The following ZCWPW2 variants were observed in gnomAD, a reference collection of about 807,000 sequenced individuals.
The protein encoded by ZCWPW2 is zinc finger CW-type PWWP domain protein 2.
In ZCWPW2, 45 loss-of-function variants were observed where a neutral mutation model predicts 46.6. That is an observed-to-expected ratio of 0.96 (90% confidence interval 0.76 to 1.24). ZCWPW2 has a LOEUF of 1.24. Among genes scored for constraint, ZCWPW2 ranks in the 50% most tolerant of loss-of-function variants. The probability of loss-of-function intolerance (pLI) is 0.00; values close to 1 mark genes in which losing one functional copy is unlikely to be tolerated. For missense variants in ZCWPW2, 429 were observed against 403.9 expected, an observed-to-expected ratio of 1.06 and a Z score of -0.53; for synonymous variants, 152 against 137.1, an observed-to-expected ratio of 1.11 and a Z score of -0.76.
intron 5 of ZCWPW2, 104 bp from the exon 6 acceptor site, chr3:28,492,023 C>A (rs1448478219): frequency 5.3e-6 from 6 of 1,140,064 alleles, no homozygotes; most frequent in African/African-American, 1.6e-5. Flanking sequence ...AATACTGTTA[C>A]AATAGTAATG....
chr3:28,405,788 A>G (rs1223004281), intron 2 of ZCWPW2, among the ~76,000 whole-genome samples: 2 of 152,136 alleles, frequency 1.3e-5, no homozygotes, highest in Admixed American at 6.6e-5. Flanking sequence ...GACTGTTAAG[A>G]ATGATTCTGG....
chr3:28,391,692 G>A (rs972622429), intron 2 of ZCWPW2, among the ~76,000 whole-genome samples: 22 of 152,086 alleles, frequency 1.4e-4, no homozygotes, highest in Admixed American at 1.3e-4. Context: ...GACCTCTAAT[G>A]CTCTGCTCCA....
At position 28,349,256 on chromosome 3, in the gene ZCWPW2, G is replaced by T. The variant is rs534133320; in HGVS notation, c.-134+53G>T. 455 of 963,010 alleles carry T rather than the reference G, an allele frequency of 4.7e-4. 4 individuals carry two copies. In the Middle Eastern group the frequency reaches 5.8e-3, roughly 12 times the overall value. 59.7% of individuals were successfully genotyped at this position (963,010 alleles called of 1,614,324 possible). A position where few individuals can be genotyped will look rare whatever the true frequency, so the allele number is the denominator to read the frequency against. On this transcript the variant is annotated intron_variant, in intron 1 of 9. Transcript: ENST00000383768. ...GTTGGGCCGAGGTCCCCCTTCAGGG[G>T]CGCCCTCTGGTGCGTCTTTTTCACT...
intron 1 of ZCWPW2, among the ~76,000 whole-genome samples, chr3:28,370,482 C>T (rs1210579655): frequency 1.3e-5 from 2 of 152,084 alleles, no homozygotes; most frequent in East Asian, 1.9e-4. Flanking sequence ...CAAAAGAATA[C>T]ATTATGATAT....
chr3:28,438,075 C>T (rs1213262981), intron 4 of ZCWPW2, among the ~76,000 whole-genome samples: 1 of 152,158 alleles, frequency 6.6e-6, no homozygotes, highest in Admixed American at 6.5e-5. Flanking sequence ...CAGACAGTTG[C>T]ACATGTTTCT....
rs1378582700 is a variant in ZCWPW2 at position 28,413,532 on chromosome 3, ACTT to A, written c.332+136_332+138del. On this transcript the variant is annotated intron_variant, in intron 3 of 9. Coordinates refer to ENST00000383768, the MANE Select transcript of ZCWPW2 (RefSeq NM_001040432.4). Reference sequence around the variant, plus strand: ...TTGATTTATCATTGCTCTTTTCCATACTTCTTTGGATTTTTTTCTAGCTTTTTA... The same window carrying A: ...TTGATTTATCATTGCTCTTTTCCATACTTTGGATTTTTTTCTAGCTTTTTA... The A allele has an allele frequency of 6.4e-6, 5 of 775,492 alleles. 1 individual carries two copies. The highest frequency in any genetic ancestry group is 2.8e-5 in the East Asian group (1 of 35,744). 48.0% of individuals were successfully genotyped at this position (775,492 alleles called of 1,614,324 possible). A position where few individuals can be genotyped will look rare whatever the true frequency, so the allele number is the denominator to read the frequency against.
chr3:28,397,043 C>T (rs975462694), intron 2 of ZCWPW2, among the ~76,000 whole-genome samples: 1 of 151,590 alleles, frequency 6.6e-6, no homozygotes. Flanking sequence ...GCATGAGAAT[C>T]ATTTGAACCT....
intron 4 of ZCWPW2, among the ~76,000 whole-genome samples, chr3:28,444,263 C>A (rs987377673): frequency 2.0e-5 from 3 of 152,138 alleles, no homozygotes; most frequent in Admixed American, 6.6e-5. Context: ...CTCAACCTCA[C>A]CTCTAGGGAT....
intron 5 of ZCWPW2, among the ~76,000 whole-genome samples, chr3:28,480,864 C>CTTTTTTTTTT (rs56891846): frequency 2.5e-5 from 3 of 122,006 alleles, no homozygotes; most frequent in Admixed American, 8.8e-5. Flanking sequence ...CATTTTTTTT[C>CTTTTTTTTTT]TTTTTTTTTT....
In ZCWPW2 at chr3:28,363,218, T is replaced by C. The variant is rs186598287; in HGVS notation, c.-134+14015T>C. ...CCTGAACCTAAAATAAAAGTTAAAA[T>C]ATTTTTTAAAAAAAGAATAACAAAA... On this transcript the variant is annotated intron_variant, in intron 1 of 9. Transcript: ENST00000383768. Among the ~76,000 whole-genome samples the C allele has an allele frequency of 1.8e-3, 277 of 152,150 alleles. 3 individuals are homozygous for C. Among genetic ancestry groups the C allele is most frequent in the South Asian group, 9.7e-3 (47 of 4,822 alleles).
intron 1 of ZCWPW2, among the ~76,000 whole-genome samples, chr3:28,355,295 A>T (rs1704689317): frequency 6.6e-6 from 1 of 152,246 alleles, no homozygotes; most frequent in Non-Finnish European, 1.5e-5. Flanking sequence ...CTTACAAGGA[A>T]TGTGAAGGAC....
intron 1 of ZCWPW2, among the ~76,000 whole-genome samples, chr3:28,369,794 G>A (rs1361282202): frequency 6.6e-6 from 1 of 152,206 alleles, no homozygotes; most frequent in African/African-American, 2.4e-5. Context: ...TTGAGCTGAG[G>A]TGGGCTCCAC....
At chr3:28,482,618 AATGAATG>A (rs1699468631) in intron 5 of ZCWPW2, among the ~76,000 whole-genome samples, 1 of 152,184 alleles carries the variant, frequency 6.6e-6, no homozygotes, top group Non-Finnish European at 1.5e-5. Context: ...TCCCACCAGC[AATGAATG>A]AGAGTTCCTG....
At chr3:28,349,232 T>C (rs1038884249) in intron 1 of ZCWPW2, 29 bp downstream of exon 1, 18 of 983,700 alleles carry the variant, frequency 1.8e-5, no homozygotes, top group East Asian at 1.1e-4. Context: ...GTCTTGTCTG[T>C]TGGGCCGAGG....
intron 5 of ZCWPW2, among the ~76,000 whole-genome samples, chr3:28,489,084 A>G (rs1660228037): frequency 6.6e-6 from 1 of 152,184 alleles, no homozygotes; most frequent in Admixed American, 6.6e-5. Context: ...TCCTTGAACA[A>G]CAGTTCACAT....
rs75883994 is a variant in ZCWPW2 at position 28,397,233 on chromosome 3, G to T, written c.-14+6616G>T. On this transcript the variant is annotated intron_variant, in intron 2 of 9. Coordinates refer to ENST00000383768, the MANE Select transcript of ZCWPW2 (RefSeq NM_001040432.4). ...AATAGATATACATTGTAATAAAAAT[G>T]GATGCTTCATAAGAATTTATATTGG... 2.6e-5 allele frequency among the ~76,000 whole-genome samples: 4 copies of T among 152,180 alleles called. No homozygotes were observed. The East Asian group carries it at 7.7e-4, about 29-fold the overall frequency.
chr3:28,507,326 T>C (rs1202314252), intron 6 of ZCWPW2, among the ~76,000 whole-genome samples: 1 of 152,198 alleles, frequency 6.6e-6, no homozygotes, highest in Admixed American at 6.6e-5. Flanking sequence ...ATAAAGTACT[T>C]TTCACTTGTT....
intron 2 of ZCWPW2, among the ~76,000 whole-genome samples, chr3:28,410,532 A>C (rs1159384342): frequency 6.6e-6 from 1 of 152,022 alleles, no homozygotes; most frequent in Non-Finnish European, 1.5e-5. Flanking sequence ...ACCAAAATAC[A>C]ATTACATTAA....
chr3:28,385,931 C>CT (rs1292186546), intron 1 of ZCWPW2, among the ~76,000 whole-genome samples: 2,193 of 141,188 alleles, frequency 0.016, 48 homozygotes, highest in African/African-American at 0.047. Flanking sequence ...GGCTTTTAAG[C>CT]TTTTTTTTTT....
Sources: allele counts gnomAD v4.1 joint callset (sites outside exome capture counted in the v4.1 genomes callset), GRCh38; gene constraint gnomAD v4.1.1; transcripts MANE v1.5; gene names NCBI Gene and HGNC (gene_info 2026-07-23, HGNC 2026-07-21).